The following CDH6 variants were observed in gnomAD, a reference collection of about 807,000 sequenced individuals.
The protein encoded by CDH6 is cadherin 6.
In CDH6, 31 loss-of-function variants were observed where a neutral mutation model predicts 78.0. The ratio of observed to expected loss-of-function variants is 0.40; its 90% CI spans 0.30 to 0.54. The LOEUF is 0.54. CDH6 is among the 20% of genes least tolerant of loss of function. The pLI, the probability that CDH6 is intolerant of heterozygous loss-of-function variation, is 0.56. For missense variants in CDH6, 724 were observed against 975.9 expected (o/e 0.74, Z 3.44); for synonymous variants, 376 against 368.8 (o/e 1.02, Z -0.23).
At chr5:31,314,449 T>C (rs1334433274) in intron 8 of CDH6, among the ~76,000 whole-genome samples, 2 of 151,836 alleles carry the variant, frequency 1.3e-5, no homozygotes. Context: ...TGTGAAATAG[T>C]CCATATCGAA....
chr5:31,199,480 G>GTATATATACACACACATGTGTA (rs35730764), intron 1 of CDH6, among the ~76,000 whole-genome samples: 1,004 of 32,060 alleles, frequency 0.031, 27 homozygotes, highest in African/African-American at 0.092. Flanking sequence ...ACACATATGT[G>GTATATATACACACACATGTGTA]TATATATGTA....
At position 31,294,842 on chromosome 5, in the gene CDH6, C is replaced by A. The variant is rs1159058550; in HGVS notation, c.523+586C>A. Among the ~76,000 whole-genome samples the A allele has an allele frequency of 6.6e-6, 1 of 152,070 alleles. No homozygotes were observed. On this transcript the variant is annotated intron_variant, in intron 3 of 11. Coordinates refer to ENST00000265071, the MANE Select transcript of CDH6 (RefSeq NM_004932.4). This position sits in a 1 kb window ranked among gnomAD's most constrained non-coding sequence, Gnocchi z 4.1. ...GTGAATTAATATTTTTTACACAATA[C>A]CTCTACTTTTTTAAATAACTAGTGG... is the stretch of plus-strand genomic sequence containing the variant.
chr5:31,239,503 T>C (rs192212843), intron 1 of CDH6, among the ~76,000 whole-genome samples: 10 of 152,334 alleles, frequency 6.6e-5, no homozygotes, highest in Admixed American at 5.9e-4. Context: ...TTTATCTTAT[T>C]AGAAAACACT....
At chr5:31,280,627 G>A (rs540370419) in intron 2 of CDH6, among the ~76,000 whole-genome samples, 4 of 152,236 alleles carry the variant, frequency 2.6e-5, no homozygotes, top group South Asian at 2.1e-4. Context: ...AATGACATAC[G>A]TGGGAGGGAG....
chr5:31,227,048 C>T (rs1741171579), intron 1 of CDH6, among the ~76,000 whole-genome samples: 2 of 152,136 alleles, frequency 1.3e-5, no homozygotes, highest in African/African-American at 2.4e-5. Context: ...TAGCACCACA[C>T]ATCGGGTTAC....
At chr5:31,240,596 A>C (rs950222642) in intron 1 of CDH6, among the ~76,000 whole-genome samples, 20 of 152,324 alleles carry the variant, frequency 1.3e-4, no homozygotes, top group Admixed American at 3.3e-4. Context: ...TCTGCTAGGA[A>C]AACTTCGCTC....
At chr5:31,289,911 A>G (rs192779818) in intron 2 of CDH6, among the ~76,000 whole-genome samples, 2 of 152,214 alleles carry the variant, frequency 1.3e-5, no homozygotes, top group Admixed American at 6.5e-5. Flanking sequence ...CCCACCCACC[A>G]TGGAGCTACA....
intron 2 of CDH6, among the ~76,000 whole-genome samples, chr5:31,286,697 G>A (rs755838381): frequency 9.1e-4 from 138 of 152,252 alleles, no homozygotes; most frequent in Non-Finnish European, 1.1e-3. Flanking sequence ...GAGGAGACTG[G>A]CATCTTCAGA....
In CDH6 at chr5:31,324,087, A is replaced by C; in HGVS notation, c.*779A>C. 3 of 222,198 alleles carry C rather than the reference A, an allele frequency of 1.4e-5. No homozygotes were observed. The highest frequency in any genetic ancestry group is 2.7e-5 in the Non-Finnish European group (3 of 111,246). 13.8% of individuals were successfully genotyped at this position (222,198 alleles called of 1,614,324 possible). A position where few individuals can be genotyped will look rare whatever the true frequency, so the allele number is the denominator to read the frequency against. On this transcript the variant is annotated 3_prime_UTR_variant, in exon 12 of 12. Coordinates refer to ENST00000265071, the MANE Select transcript of CDH6 (RefSeq NM_004932.4). ...ACCAAGGAAATATATTTTACCATAC[A>C]TTTAAAGTTTTGGCCACCACATGTA...
chr5:31,324,658 TA>T lies in CDH6; in HGVS notation c.*1353del. On this transcript the variant is annotated 3_prime_UTR_variant, in exon 12 of 12. Coordinates refer to ENST00000265071, the MANE Select transcript of CDH6 (RefSeq NM_004932.4). ...GCCATCCTTGACTTTGAACTAATGATAAAGTAATGATCTCAAACTATGACAG... is the reference window on the plus strand; with the variant it reads ...GCCATCCTTGACTTTGAACTAATGATAAGTAATGATCTCAAACTATGACAG... 1 of 210,216 alleles carries T rather than the reference TA, an allele frequency of 4.8e-6. No homozygotes were observed. The highest frequency in any genetic ancestry group is 9.7e-6 in the Non-Finnish European group (1 of 103,460). 13.0% of individuals were successfully genotyped at this position (210,216 alleles called of 1,614,324 possible).
chr5:31,196,952 G>A (rs144205633), intron 1 of CDH6, among the ~76,000 whole-genome samples: 7 of 151,786 alleles, frequency 4.6e-5, no homozygotes, highest in East Asian at 1.9e-4. Context: ...GAAGAGCGCC[G>A]CCGCCCCCCG....
chr5:31,218,565 T>G (rs1259211480), intron 1 of CDH6, among the ~76,000 whole-genome samples: 2 of 152,162 alleles, frequency 1.3e-5, no homozygotes, highest in African/African-American at 4.8e-5. Flanking sequence ...CAGGGTAAGC[T>G]CTGGGTTCCT....
At chr5:31,221,842 C>T in intron 1 of CDH6, among the ~76,000 whole-genome samples, 1 of 152,094 alleles carries the variant, frequency 6.6e-6, no homozygotes, top group South Asian at 2.1e-4. Flanking sequence ...CCAATTTGGC[C>T]ATTACGAGTT....
rs192453642 is a variant in CDH6, at chr5:31,271,124, A to C, written c.228+3423A>C. Among the ~76,000 whole-genome samples, 7 of 152,334 alleles carry C rather than the reference A, an allele frequency of 4.6e-5. No individual in the cohort carries two copies. In the East Asian group the frequency reaches 1.3e-3, roughly 29 times the overall value. ...ACTGAGGAAAAGTAATGCTGTTGAGAAAATAACACTTAAAATAGAAGAAAG... is the reference window on the plus strand; with the variant it reads ...ACTGAGGAAAAGTAATGCTGTTGAGCAAATAACACTTAAAATAGAAGAAAG... On this transcript the variant is annotated intron_variant, in intron 2 of 11. Transcript: ENST00000265071.
At chr5:31,245,588 T>C (rs1375185010) in intron 1 of CDH6, among the ~76,000 whole-genome samples, 1 of 152,224 alleles carries the variant, frequency 6.6e-6, no homozygotes, top group African/African-American at 2.4e-5. Context: ...ACAGGGTTTT[T>C]ACTTTTAAGT....
chr5:31,320,744 G>T (rs193189656), intron 11 of CDH6, among the ~76,000 whole-genome samples: 1 of 152,182 alleles, frequency 6.6e-6, no homozygotes, highest in East Asian at 1.9e-4. Context: ...TTGCGAGGCC[G>T]AGGCAGGTGG....
chr5:31,317,791 A>C lies in CDH6; in HGVS notation c.1749A>C (p.Thr583=). 6.2e-7 allele frequency: 1 copy of C among 1,614,218 alleles called. No individual in the cohort carries two copies. Among genetic ancestry groups the C allele is most frequent in the Non-Finnish European group, 8.5e-7 (1 of 1,180,042 alleles). The change falls in exon 11 of 12, where the codon ACA becomes ACC. Residue 583 remains threonine (T), a synonymous_variant. Transcript: ENST00000265071. ...ACCCAGTTCAAAGCAGCACTGGGAC[A>C]GTGACTGTCCGGGTCTGTGCATGTG... ...NDYPVQSSTG[T]VTVRVCACDH... is the part of the protein sequence containing the mutation.
chr5:31,218,096 C>T (rs75568573), intron 1 of CDH6, among the ~76,000 whole-genome samples: 1,565 of 152,046 alleles, frequency 0.01, 37 homozygotes, highest in African/African-American at 0.036. Flanking sequence ...TATTATAATA[C>T]ATTTGAAATT....
chr5:31,306,781 C>G (rs1034402123), intron 7 of CDH6, among the ~76,000 whole-genome samples: 1 of 151,958 alleles, frequency 6.6e-6, no homozygotes, highest in Non-Finnish European at 1.5e-5. Context: ...AATAGACAAA[C>G]AGTAAATATG....
Sources: gnomAD v4.1 joint callset for allele counts (sites outside exome capture counted in the v4.1 genomes callset) on GRCh38, gnomAD v4.1.1 for gene constraint, Gnocchi (gnomAD v3.1) non-coding constraint, MANE v1.5 for transcripts, NCBI Gene and HGNC (gene_info 2026-07-23, HGNC 2026-07-21) for gene names.